Variants in ANKRD55 observed in about 807,000 individuals in gnomAD.
ANKRD55 encodes ankyrin repeat domain-containing protein 55.
Under a neutral mutation model 60.6 loss-of-function variants are expected in ANKRD55, and 41 were observed. That is an observed-to-expected ratio of 0.68 (90% CI 0.53 to 0.88). The LOEUF (loss-of-function observed/expected upper bound fraction) is 0.88. Ranked by LOEUF, ANKRD55 falls within the 40% of genes least tolerant of loss-of-function variation. The pLI is 0.00. For synonymous variants in ANKRD55, 264 were observed against 290.3 expected (o/e 0.91, Z 0.92); for missense variants, 732 against 767.6 (o/e 0.95, Z 0.55).
intron 2 of ANKRD55, among the ~76,000 whole-genome samples, chr5:56,188,640 T>C (rs1759026710): frequency 6.6e-6 from 1 of 152,230 alleles, no homozygotes; most frequent in African/African-American, 2.4e-5. Flanking sequence ...TGTGTGAACT[T>C]GTTTCTGGAA....
At chr5:56,115,866 T>C (rs192138814) in intron 9 of ANKRD55, among the ~76,000 whole-genome samples, 4 of 152,246 alleles carry the variant, frequency 2.6e-5, no homozygotes, top group Admixed American at 2.0e-4. Context: ...TTAATTAATT[T>C]TTTTTTGAGA....
chr5:56,211,158 T>G (rs1035532795), intron 2 of ANKRD55, among the ~76,000 whole-genome samples: 1 of 152,184 alleles, frequency 6.6e-6, no homozygotes, highest in Non-Finnish European at 1.5e-5. Flanking sequence ...TCTGAAGGAA[T>G]TAAAAGACTC....
At chr5:56,187,124 A>G (rs2111837163) in intron 2 of ANKRD55, among the ~76,000 whole-genome samples, 1 of 152,356 alleles carries the variant, frequency 6.6e-6, no homozygotes, top group African/African-American at 2.4e-5. Flanking sequence ...CCAGAAATCT[A>G]ATTAGATAGT....
intron 2 of ANKRD55, among the ~76,000 whole-genome samples, chr5:56,210,300 C>T (rs1188532737): frequency 1.3e-5 from 2 of 151,938 alleles, no homozygotes; most frequent in Non-Finnish European, 2.9e-5. Flanking sequence ...ATAGGCCGGG[C>T]GCGGTGGCTC....
intron 11 of ANKRD55, 39 bp downstream of exon 11, chr5:56,102,455 C>T: frequency 7.3e-7 from 1 of 1,375,938 alleles, no homozygotes; most frequent in South Asian, 1.2e-5. Context: ...GATATGTTAA[C>T]ACTTGCAAAG....
intron 7 of ANKRD55, among the ~76,000 whole-genome samples, chr5:56,133,115 G>C (rs533648780): frequency 1.3e-5 from 2 of 152,312 alleles, no homozygotes; most frequent in Admixed American, 1.3e-4. Context: ...CCAGAAAGCA[G>C]AAAATCAGTA....
intron 2 of ANKRD55, among the ~76,000 whole-genome samples, chr5:56,200,289 A>G (rs1759334470): frequency 6.6e-6 from 1 of 152,012 alleles, no homozygotes; most frequent in Non-Finnish European, 1.5e-5. Flanking sequence ...GCTAATTCTG[A>G]CCTTTATAAA....
chr5:56,163,357 C>T (rs1285993658), intron 5 of ANKRD55, among the ~76,000 whole-genome samples: 1 of 152,076 alleles, frequency 6.6e-6, no homozygotes, highest in Non-Finnish European at 1.5e-5. Flanking sequence ...AGATACTTGT[C>T]CAGCATCTAT....
intron 2 of ANKRD55, chr5:56,192,653 G>T: frequency 1.0e-6 from 1 of 974,988 alleles, no homozygotes; most frequent in South Asian, 1.4e-5. Context: ...AGAAGAGGGT[G>T]ACACCCAGAC....
chr5:56,166,407 A>G (rs550179852), intron 5 of ANKRD55, among the ~76,000 whole-genome samples: 2 of 151,670 alleles, frequency 1.3e-5, no homozygotes, highest in Admixed American at 1.3e-4. Flanking sequence ...ACAGGAGCAC[A>G]CCACTATGCC....
chr5:56,162,128 G>A (rs910012579), intron 5 of ANKRD55: 5 of 635,112 alleles, frequency 7.9e-6, no homozygotes, highest in Non-Finnish European at 9.8e-6. Flanking sequence ...GTCCAGTGTG[G>A]TTATCCTTGG....
chr5:56,109,961 T>C (rs1336236409), intron 10 of ANKRD55, among the ~76,000 whole-genome samples: 3 of 151,744 alleles, frequency 2.0e-5, no homozygotes, highest in Non-Finnish European at 4.4e-5. Context: ...GAGGTTGTAG[T>C]GAGCAGAGAT....
intron 2 of ANKRD55, among the ~76,000 whole-genome samples, chr5:56,203,788 A>G (rs1759435384): frequency 6.6e-6 from 1 of 152,224 alleles, no homozygotes; most frequent in Admixed American, 6.5e-5. Flanking sequence ...TACTGTCACA[A>G]TGAACATATG....
chr5:56,122,750 C>A (rs534153122), intron 8 of ANKRD55, among the ~76,000 whole-genome samples: 2 of 151,620 alleles, frequency 1.3e-5, no homozygotes, highest in South Asian at 4.2e-4. Flanking sequence ...TAGGGAGAGG[C>A]AAAGGGCAAA....
In ANKRD55 at chr5:56,138,785, G is replaced by A. The variant is rs543289088; in HGVS notation, c.612+5016C>T. Among the ~76,000 whole-genome samples the A allele has an allele frequency of 2.6e-4, 40 of 152,314 alleles. 1 individual carries two copies. In the South Asian group the frequency reaches 7.9e-3, roughly 30 times the overall value. ...CATATGACATTCTGGAAAAGGCAAA[G>A]CTATGGAGACAGTAAAAAGATCAGT... On this transcript the variant is annotated intron_variant, in intron 7 of 11. Coordinates refer to ENST00000341048, the MANE Select transcript of ANKRD55 (RefSeq NM_024669.3).
chr5:56,228,395 C>A (rs1390345660), intron 2 of ANKRD55, among the ~76,000 whole-genome samples: 5 of 151,364 alleles, frequency 3.3e-5, no homozygotes, highest in Non-Finnish European at 7.4e-5. Context: ...AAGATTCTTT[C>A]CTAAAGGTTC....
chr5:56,127,613 G>A, intron 7 of ANKRD55: 1 of 980,776 alleles, frequency 1.0e-6, no homozygotes, highest in Non-Finnish European at 1.2e-6. Context: ...GGAGCAGGGG[G>A]CTGAGAATTT....
At chr5:56,163,460 T>G (rs1281254569) in intron 5 of ANKRD55, among the ~76,000 whole-genome samples, 1 of 152,148 alleles carries the variant, frequency 6.6e-6, no homozygotes, top group East Asian at 1.9e-4. Context: ...TACACCCCCA[T>G]CAGCCAAGTT....
rs1388366443 is a variant in ANKRD55, at chr5:56,166,142, C to A, written c.422+4552G>T. 1.6e-4 allele frequency among the ~76,000 whole-genome samples: 15 copies of A among 93,674 alleles called. 1 individual carries two copies. The highest frequency in any genetic ancestry group is 1.0e-3 in the African/African-American group (15 of 14,366). The allele number at this position is 93,674 out of a possible 152,430, so 61.5% of individuals were successfully genotyped here. On this transcript the variant is annotated intron_variant, in intron 5 of 11. Coordinates refer to ENST00000341048, the MANE Select transcript of ANKRD55 (RefSeq NM_024669.3). ...TCTTTCTTTCTTTCTTTCTTTCTTT[C>A]TTTCTTTCTTTCTTCTTTCCTTCCT...
Sources: allele counts gnomAD v4.1 joint callset (sites outside exome capture counted in the v4.1 genomes callset), GRCh38; gene constraint gnomAD v4.1.1; transcripts MANE v1.5; gene names NCBI Gene and HGNC (gene_info 2026-07-23, HGNC 2026-07-21).